Variants in PRDM6 observed in about 807,000 individuals in gnomAD.
PRDM6 encodes the protein PR/SET domain 6, also known as putative histone-lysine N-methyltransferase PRDM6.
Under a neutral mutation model 60.8 loss-of-function variants are expected in PRDM6, and 25 were observed. The ratio of observed to expected loss-of-function variants is 0.41; its 90% CI spans 0.30 to 0.57. The LOEUF is 0.57. Among genes scored for constraint, PRDM6 ranks in the 20% least tolerant of loss-of-function variants. The pLI is 0.27. For missense variants in PRDM6, 839 were observed against 821.3 expected (o/e 1.02, Z -0.26); for synonymous variants, 407 against 357.4 (o/e 1.14, Z -1.57).
intron 3 of PRDM6, among the ~76,000 whole-genome samples, chr5:123,134,997 T>TAAA (rs113763871): frequency 1.1e-3 from 156 of 148,252 alleles, no homozygotes; most frequent in African/African-American, 2.8e-3. Flanking sequence ...AAAGTATTCT[T>TAAA]AAAAAAAAAA....
intron 3 of PRDM6, among the ~76,000 whole-genome samples, chr5:123,130,173 TCCC>T: frequency 2.4e-4 from 8 of 33,200 alleles, no homozygotes; most frequent in Non-Finnish European, 3.3e-4. Flanking sequence ...TCCCCTCCCC[TCCC>T]CTTCCCTTCC....
At chr5:123,095,602 C>T (rs1211064304) in intron 2 of PRDM6, among the ~76,000 whole-genome samples, 2 of 152,234 alleles carry the variant, frequency 1.3e-5, no homozygotes, top group Non-Finnish European at 2.9e-5. Context: ...CGGGTCTCGG[C>T]CTGCGAGACT....
chr5:123,095,962 A>C (rs879729993), intron 2 of PRDM6, among the ~76,000 whole-genome samples: 32 of 152,228 alleles, frequency 2.1e-4, no homozygotes, highest in Non-Finnish European at 4.1e-4. Context: ...CACTTTAAAG[A>C]CATTGAAACA....
chr5:123,113,860 T>C (rs1764370874), intron 3 of PRDM6, among the ~76,000 whole-genome samples: 1 of 152,210 alleles, frequency 6.6e-6, no homozygotes, highest in Non-Finnish European at 1.5e-5. Flanking sequence ...TACCTTGTGT[T>C]CCAGGGCCAT....
At chr5:123,157,062 C>CTT (rs35295245) in intron 4 of PRDM6, among the ~76,000 whole-genome samples, 1,943 of 140,492 alleles carry the variant, frequency 0.014, 58 homozygotes, top group African/African-American at 0.048. Flanking sequence ...TTTTCCTTTC[C>CTT]TTTTTTTTTT....
At chr5:123,110,979 C>T (rs1764300265) in intron 3 of PRDM6, among the ~76,000 whole-genome samples, 1 of 152,036 alleles carries the variant, frequency 6.6e-6, no homozygotes, top group Non-Finnish European at 1.5e-5. Flanking sequence ...TATCTGTGCC[C>T]CATGATCTGC....
At chr5:123,115,151 G>T (rs1029312811) in intron 3 of PRDM6, among the ~76,000 whole-genome samples, 1 of 152,156 alleles carries the variant, frequency 6.6e-6, no homozygotes, top group African/African-American at 2.4e-5. Flanking sequence ...CCATGTAGCA[G>T]GTGTAGTTGT....
chr5:123,092,868 A>T (rs1349238166), intron 2 of PRDM6, among the ~76,000 whole-genome samples: 4 of 152,224 alleles, frequency 2.6e-5, no homozygotes, highest in Admixed American at 6.5e-5. Flanking sequence ...ATTTGAAGCC[A>T]TGGGATGTAC....
At chr5:123,137,782 G>A (rs1764997948) in intron 3 of PRDM6, among the ~76,000 whole-genome samples, 1 of 70,980 alleles carries the variant, frequency 1.4e-5, no homozygotes, top group Non-Finnish European at 3.3e-5. Context: ...AGAATTTAAA[G>A]TATAATAAAA....
At chr5:123,181,028 A>G (rs1766145889) in intron 7 of PRDM6, among the ~76,000 whole-genome samples, 1 of 152,252 alleles carries the variant, frequency 6.6e-6, no homozygotes, top group South Asian at 2.1e-4. Context: ...CACATGGCAC[A>G]CTTATCCAAA....
rs928901180 is a variant in PRDM6, at chr5:123,189,334, C to A, written c.*2133C>A. On this transcript the variant is annotated 3_prime_UTR_variant, in exon 8 of 8. Transcript: ENST00000407847. ...TTTGAAAACAACAGTAGGGAATCAC[C>A]TGTATATTTCTAATTTTTTTTTTCA... is the stretch of plus-strand genomic sequence containing the variant. 1 of 152,116 alleles carries A rather than the reference C, an allele frequency of 6.6e-6. No homozygotes were observed. Among genetic ancestry groups the A allele is most frequent in the Non-Finnish European group, 1.5e-5 (1 of 68,016 alleles). 9.4% of individuals were successfully genotyped at this position (152,116 alleles called of 1,614,324 possible). A position where few individuals can be genotyped will look rare whatever the true frequency, so the allele number is the denominator to read the frequency against.
chr5:123,177,102 T>C (rs1168209162), intron 6 of PRDM6, among the ~76,000 whole-genome samples: 1 of 152,226 alleles, frequency 6.6e-6, no homozygotes, highest in Non-Finnish European at 1.5e-5. Context: ...GATTCCAAAG[T>C]GATGAAAATG....
At chr5:123,107,750 A>G (rs1362751965) in intron 3 of PRDM6, among the ~76,000 whole-genome samples, 3 of 152,234 alleles carry the variant, frequency 2.0e-5, no homozygotes, top group African/African-American at 7.2e-5. Context: ...TTGTGAATAC[A>G]TAGTAATTTG....
intron 7 of PRDM6, among the ~76,000 whole-genome samples, chr5:123,181,344 G>T (rs1428452189): frequency 6.6e-6 from 1 of 152,186 alleles, no homozygotes; most frequent in Non-Finnish European, 1.5e-5. Context: ...CACAGAAATG[G>T]AGTAATCAAT....
At chr5:123,112,872 G>A (rs567364616) in intron 3 of PRDM6, among the ~76,000 whole-genome samples, 123 of 131,338 alleles carry the variant, frequency 9.4e-4, no homozygotes, top group Non-Finnish European at 5.6e-4. Flanking sequence ...TCAATCATTA[G>A]TGCCACAACT....
chr5:123,151,895 G>C (rs1765376755), intron 3 of PRDM6, among the ~76,000 whole-genome samples: 1 of 151,966 alleles, frequency 6.6e-6, no homozygotes, highest in Non-Finnish European at 1.5e-5. Context: ...AATTTCATCT[G>C]TTTTTATAGT....
intron 4 of PRDM6, among the ~76,000 whole-genome samples, chr5:123,157,226 A>C (rs1042515010): frequency 6.6e-6 from 1 of 152,150 alleles, no homozygotes; most frequent in Non-Finnish European, 1.5e-5. Flanking sequence ...GTTTTATTTC[A>C]TTAAATAACA....
intron 3 of PRDM6, among the ~76,000 whole-genome samples, chr5:123,136,945 C>T (rs73296919): frequency 0.019 from 2,960 of 152,290 alleles, 91 homozygotes; most frequent in African/African-American, 0.067. Flanking sequence ...TGCAACCAAG[C>T]TCTTGGGGCT....
At position 123,193,289 on chromosome 5, in the gene PRDM6, A is replaced by G. The variant is rs1183437503; in HGVS notation, c.*6088A>G. ...CCAACTGAAAACAGTCTAGATATAA[A>G]CTTTAACAAGCTGGAGATCTATTTC... On this transcript the variant is annotated 3_prime_UTR_variant, in exon 8 of 8. Transcript: ENST00000407847. 1.3e-5 allele frequency: 2 copies of G among 152,140 alleles called. No homozygotes were observed. Among genetic ancestry groups the G allele is most frequent in the Admixed American group, 6.5e-5 (1 of 15,270 alleles). 9.4% of individuals were successfully genotyped at this position (152,140 alleles called of 1,614,324 possible).
Sources: gnomAD v4.1 joint callset for allele counts (sites outside exome capture counted in the v4.1 genomes callset) on GRCh38, gnomAD v4.1.1 for gene constraint, MANE v1.5 for transcripts, NCBI Gene and HGNC (gene_info 2026-07-23, HGNC 2026-07-21) for gene names.